Variants in NUMA1 observed in about 807,000 individuals in gnomAD.
The protein encoded by NUMA1 is SP-H antigen.
Under a neutral mutation model 237.1 loss-of-function variants are expected in NUMA1, and 62 were observed. That is an observed-to-expected ratio of 0.26 (90% CI 0.21 to 0.32). NUMA1 has a LOEUF of 0.32. NUMA1 is among the 10% of genes least tolerant of loss of function. NUMA1 has a pLI of 1.00. For missense variants in NUMA1, 2,533 were observed against 2,666.5 expected, an observed-to-expected ratio of 0.95 and a Z score of 1.10; for synonymous variants, 1,028 against 1,066.1, an observed-to-expected ratio of 0.96 and a Z score of 0.70.
At position 72,013,640 on chromosome 11, in the gene NUMA1, G is replaced by A. The variant is rs1459261503; in HGVS notation, c.3863C>T (p.Ser1288Phe). The A allele has an allele frequency of 5.6e-6, 9 of 1,609,968 alleles. No homozygotes were observed. The Admixed American group carries it at 1.0e-4, about 18-fold the overall frequency. The change falls in exon 15 of 27, where the codon TCT (serine) becomes TTT (phenylalanine). Residue 1288 changes from serine to phenylalanine, a missense_variant. By Grantham distance (155) the Ser-to-Phe change is radical. Transcript: ENST00000393695. This position sits in a 1 kb window ranked among gnomAD's most constrained non-coding sequence, Gnocchi z 6.8. ...SNSARAAERSSALREEVQSLR... is the reference protein window; with the variant it reads ...SNSARAAERSFALREEVQSLR... ...GCTCTGCACCTCCTCCCGCAGAGCA[G>A]AGCTGCGTTCTGCAGCTCTGGCACT...
Position 72,007,380 on chromosome 11 carries a change from G to A in NUMA1, c.5272C>T (p.Pro1758Ser), listed in dbSNP as rs749242336. The change falls in exon 21 of 27, where the codon CCT becomes TCT. Residue 1758 changes from proline (P) to serine (S), a missense_variant. Around this residue, in one of 3 missense-constraint regions of NUMA1, gnomAD observed 795 missense variants for 750.8 expected, o/e 1.06. Coordinates refer to ENST00000393695, the MANE Select transcript of NUMA1 (RefSeq NM_006185.4). ...TTGGGGGGCAGGCGCTGGGAGATAG[G>A]TGAGGCTGGTTCTCCAGGGACGCTG... ...GTSVPGEPAS[P>S]ISQRLPPKVE... is the part of the protein sequence containing the mutation. The A allele has an allele frequency of 6.2e-7, 1 of 1,613,826 alleles. No individual in the cohort carries two copies. The highest frequency in any genetic ancestry group is 1.7e-5 in the Admixed American group (1 of 60,002).
rs750838834 is a variant in NUMA1, at chr11:72,015,562, C to T, written c.1941G>A (p.Glu647=). 5 of 1,613,686 alleles carry T rather than the reference C, an allele frequency of 3.1e-6. No homozygotes were observed. Among genetic ancestry groups the T allele is most frequent in the Non-Finnish European group, 4.2e-6 (5 of 1,180,046 alleles). The part of the protein sequence containing the change: ...SVTQAQREKA[E]LSRKVEELQA... Reference sequence around the variant, plus strand: ...GGAGTTCCTCCACCTTCCGGCTCAGCTCTGCCTTCTCCCGCTGGGCCTGTG... The same window carrying T: ...GGAGTTCCTCCACCTTCCGGCTCAGTTCTGCCTTCTCCCGCTGGGCCTGTG... The change falls in exon 15 of 27, where the codon GAG becomes GAA. Residue 647 remains glutamate (E), a synonymous_variant. Transcript: ENST00000393695. The surrounding 1 kb of genome is among the most constrained non-coding windows in gnomAD (Gnocchi z 4.0).
rs148198963 is a variant in NUMA1 at position 72,033,564 on chromosome 11, G to C, written c.42+2338C>G. 2.4e-3 allele frequency among the ~76,000 whole-genome samples: 361 copies of C among 151,970 alleles called. 1 individual carries two copies. Among genetic ancestry groups the C allele is most frequent in the Non-Finnish European group, 3.9e-3 (266 of 67,988 alleles). ...ATTTTTGTATTTTTTGAAGAGACAG[G>C]GTCTCACCACGTTGCCCAGGGTGGT... On this transcript the variant is annotated intron_variant, in intron 3 of 26. Transcript: ENST00000393695.
intron 17 of NUMA1, among the ~76,000 whole-genome samples, chr11:72,009,870 C>A (rs149901788): frequency 6.6e-6 from 1 of 152,218 alleles, no homozygotes; most frequent in African/African-American, 2.4e-5. Context: ...ACCAGAGTAA[C>A]AGTGACTAAA....
intron 3 of NUMA1, among the ~76,000 whole-genome samples, chr11:72,034,643 G>A (rs951133668): frequency 4.6e-5 from 7 of 152,080 alleles, no homozygotes; most frequent in South Asian, 2.1e-4. Context: ...AGGAGGCAGA[G>A]GTTGCAGTGA....
intron 10 of NUMA1, 29 bp downstream of exon 10, chr11:72,018,794 A>G: frequency 1.3e-6 from 2 of 1,598,880 alleles, no homozygotes; most frequent in Non-Finnish European, 1.7e-6. Context: ...AAGTCTATTC[A>G]CACATCTGCC....
intron 1 of NUMA1, chr11:72,076,746 C>T (rs990468931): frequency 2.6e-5 from 4 of 151,966 alleles, no homozygotes; most frequent in Non-Finnish European, 5.9e-5. Flanking sequence ...GATTGCACCA[C>T]TGGACTCCAG....
intron 1 of NUMA1, among the ~76,000 whole-genome samples, chr11:72,071,797 T>C (rs1311764711): frequency 3.9e-5 from 6 of 152,226 alleles, no homozygotes; most frequent in East Asian, 1.9e-4. Context: ...AAAATGTTAA[T>C]AGTGACTCTA....
intron 2 of NUMA1, among the ~76,000 whole-genome samples, chr11:72,043,270 T>C (rs1941800311): frequency 6.6e-6 from 1 of 151,374 alleles, no homozygotes; most frequent in African/African-American, 2.4e-5. Context: ...GAGGCCAGCC[T>C]GGGCAACATG....
intron 2 of NUMA1, among the ~76,000 whole-genome samples, chr11:72,055,563 T>C (rs1942589160): frequency 6.6e-6 from 1 of 152,192 alleles, no homozygotes; most frequent in Non-Finnish European, 1.5e-5. Context: ...GGGCTAATGG[T>C]ATGCTGGTAA....
intron 2 of NUMA1, among the ~76,000 whole-genome samples, chr11:72,056,887 G>A (rs1474369541): frequency 6.6e-6 from 1 of 151,876 alleles, no homozygotes. Context: ...GCCCAGGAAA[G>A]GGCGGAGATT....
At chr11:72,049,147 A>G (rs1393121160) in intron 2 of NUMA1, among the ~76,000 whole-genome samples, 1 of 152,164 alleles carries the variant, frequency 6.6e-6, no homozygotes, top group Non-Finnish European at 1.5e-5. Context: ...CAGAGGAGTA[A>G]AATGGCTCTG....
In NUMA1 at chr11:72,019,555, C is replaced by T; in HGVS notation, c.523G>A (p.Ala175Thr). Residue 175 changes from alanine (A) to threonine (T), a missense_variant, in exon 9 of 27, where the codon GCC (alanine) becomes ACC (threonine). Physicochemically the swap from Ala to Thr is moderately conservative, Grantham distance 58. Coordinates refer to ENST00000393695, the MANE Select transcript of NUMA1 (RefSeq NM_006185.4). ...PEELSPPSHQ[A>T]KREIRFLELQ... is the part of the protein sequence containing the mutation. ...TCTAGGAAGCGAATCTCCCTCTTGG[C>T]CTGGTGGCTAGGTGGGGAGAGCTCT... 2 of 1,613,980 alleles carry T rather than the reference C, an allele frequency of 1.2e-6. No individual in the cohort carries two copies. Among genetic ancestry groups the T allele is most frequent in the Non-Finnish European group, 1.7e-6 (2 of 1,179,914 alleles).
chr11:72,071,199 C>T (rs1169837072), intron 1 of NUMA1, among the ~76,000 whole-genome samples: 1 of 152,236 alleles, frequency 6.6e-6, no homozygotes, highest in Non-Finnish European at 1.5e-5. Context: ...GTATTTCATT[C>T]CTAGTTATCC....
At chr11:72,022,249 G>A in intron 7 of NUMA1, 90 bp downstream of exon 7, 1 of 756,182 alleles carries the variant, frequency 1.3e-6, no homozygotes, top group Admixed American at 2.6e-5. Flanking sequence ...TTTTTAAAAA[G>A]TCCAGTATCT....
chr11:72,014,485 C>T lies in NUMA1; in HGVS notation c.3018G>A (p.Val1006=), dbSNP rs1321416729. 1.2e-6 allele frequency: 2 copies of T among 1,602,274 alleles called. No individual in the cohort carries two copies. The highest frequency in any genetic ancestry group is 1.7e-6 in the Non-Finnish European group (2 of 1,179,952). The stretch of plus-strand genomic sequence containing the variant: ...GGCCCCGCTCCTGGGTCAGCCGCGC[C>T]ACCTCCCTTTCCTGCTGCCCACGCT... ...QEERGQQERE[V]ARLTQERGRA... The change falls in exon 15 of 27, where the codon GTG becomes GTA. Residue 1006 remains valine, a synonymous_variant. Coordinates refer to ENST00000393695, the MANE Select transcript of NUMA1 (RefSeq NM_006185.4). The surrounding 1 kb of genome is among the most constrained non-coding windows in gnomAD (Gnocchi z 4.6).
At chr11:72,070,626 A>G (rs564834969) in intron 1 of NUMA1, among the ~76,000 whole-genome samples, 18 of 152,310 alleles carry the variant, frequency 1.2e-4, no homozygotes, top group East Asian at 3.9e-4. Context: ...TGGGCAACAT[A>G]GTAAAACTCC....
chr11:72,073,048 CAAAA>C (rs71052849), intron 1 of NUMA1, among the ~76,000 whole-genome samples: 1,459 of 38,988 alleles, frequency 0.037, 70 homozygotes, highest in African/African-American at 0.15. Context: ...GACTCCGTCT[CAAAA>C]AAAAAAAAAA....
chr11:72,008,823 AGCT>A lies in NUMA1; in HGVS notation c.5078_5080del (p.Gln1693del), dbSNP rs1290633919. The A allele has an allele frequency of 6.2e-7, 1 of 1,614,140 alleles. No homozygotes were observed. Among genetic ancestry groups the A allele is most frequent in the East Asian group, 2.2e-5 (1 of 44,870 alleles). On this transcript the variant is annotated inframe_deletion, in exon 20 of 27. Coordinates refer to ENST00000393695, the MANE Select transcript of NUMA1 (RefSeq NM_006185.4). Reference sequence around the variant, plus strand: ...CACCTGGAATTTGCCCAGGTCTCGAAGCTGCTGGTCTGCATGGGCAACCTGAGA... The same window carrying A: ...CACCTGGAATTTGCCCAGGTCTCGAAGCTGGTCTGCATGGGCAACCTGAGA...
Sources: allele counts gnomAD v4.1 joint callset (sites outside exome capture counted in the v4.1 genomes callset), GRCh38; gene constraint gnomAD v4.1.1; regional missense constraint gnomAD v4.1.1; non-coding constraint Gnocchi (gnomAD v3.1); transcripts MANE v1.5; gene names NCBI Gene and HGNC (gene_info 2026-07-23, HGNC 2026-07-21).